OARD1: variants seen among roughly 807,000 people sequenced by gnomAD.
OARD1 encodes the protein ADP-ribose glycohydrolase OARD1.
A neutral mutation model predicts 19.7 loss-of-function variants in OARD1; 19 were observed. The observed-to-expected ratio is 0.96, with a 90% CI of 0.67 to 1.41. The LOEUF (loss-of-function observed/expected upper bound fraction) is 1.41. OARD1 is among the 40% of genes most tolerant of loss of function. OARD1 has a pLI of 0.00. For synonymous variants in OARD1, 70 were observed against 61.8 expected (o/e 1.13, Z -0.62); for missense variants, 190 against 183.8 (o/e 1.03, Z -0.20).
chr6:41,071,320 G>C, intron 2 of OARD1, 44 bp from the exon 3 acceptor site: 1 of 1,568,272 alleles, frequency 6.4e-7, no homozygotes, highest in Non-Finnish European at 8.8e-7. Context: ...ATTAGATACA[G>C]TAAAATACTA....
chr6:41,089,829 T>A, intron 1 of OARD1: 1 of 1,420,920 alleles, frequency 7.0e-7, no homozygotes, highest in East Asian at 2.4e-5. Context: ...CATAAAAAAA[T>A]ATATTTTTGG....
chr6:41,067,454 A>ATC lies in OARD1; in HGVS notation c.357-19_357-18dup. ...CATCCAATCCTGAAAAAGACAAAAT[A>ATC]TCTCCATTGATGGTAACGAAAGTAT... On this transcript the variant is annotated splice_polypyrimidine_tract_variant and intron_variant, in intron 5 of 5. Coordinates refer to ENST00000424266, the MANE Select transcript of OARD1 (RefSeq NM_001329686.2). The ATC allele has an allele frequency of 6.5e-7, 1 of 1,530,732 alleles. No homozygotes were observed. The highest frequency in any genetic ancestry group is 9.1e-7 in the Non-Finnish European group (1 of 1,104,772). 94.8% of individuals were successfully genotyped at this position (1,530,732 alleles called of 1,614,324 possible).
chr6:41,075,631 C>G (rs1763712588), upstream of OARD1: 1 of 151,970 alleles, frequency 6.6e-6, no homozygotes, highest in Admixed American at 6.6e-5. Flanking sequence ...TGTAGTACTT[C>G]ACCTTCCTCC....
At chr6:41,095,229 A>G (rs1160134639) in intron 1 of OARD1, among the ~76,000 whole-genome samples, 1 of 152,154 alleles carries the variant, frequency 6.6e-6, no homozygotes, top group African/African-American at 2.4e-5. Flanking sequence ...ATGCCCAGCA[A>G]AGCCTTACAT....
rs909526520 is a variant in OARD1, at chr6:41,064,837, T to C, written c.*2498A>G. On this transcript the variant is annotated 3_prime_UTR_variant, in exon 6 of 6. Coordinates refer to ENST00000424266, the MANE Select transcript of OARD1 (RefSeq NM_001329686.2). The stretch of plus-strand genomic sequence containing the variant: ...CGGGTGAAAAGTAGTAGTTTAATGT[T>C]CAGATATACAATCATTTAAAAGTAT... 6.6e-6 allele frequency: 1 copy of C among 152,144 alleles called. No individual in the cohort carries two copies. The highest frequency in any genetic ancestry group is 1.5e-5 in the Non-Finnish European group (1 of 68,032). The allele number at this position is 152,144 out of a possible 1,614,324, so 9.4% of individuals were successfully genotyped here.
intron 1 of OARD1, among the ~76,000 whole-genome samples, chr6:41,080,442 G>T (rs932544454): frequency 2.0e-5 from 3 of 152,142 alleles, no homozygotes; most frequent in African/African-American, 7.2e-5. Flanking sequence ...TAGTTTCAGG[G>T]CTATTAAAAC....
intron 1 of OARD1, chr6:41,079,029 G>A: frequency 6.1e-6 from 9 of 1,482,108 alleles, no homozygotes; most frequent in Non-Finnish European, 8.5e-6. Flanking sequence ...TTTCTAACAG[G>A]AGTGTACCTC....
intron 1 of OARD1, among the ~76,000 whole-genome samples, chr6:41,081,215 C>T (rs1031046159): frequency 6.6e-5 from 10 of 152,046 alleles, no homozygotes; most frequent in Non-Finnish European, 1.5e-4. Flanking sequence ...CTCGGCCGGG[C>T]GCGGTGGCTC....
chr6:41,088,654 G>A (rs1431370824), intron 1 of OARD1, among the ~76,000 whole-genome samples: 1 of 151,802 alleles, frequency 6.6e-6, no homozygotes, highest in Non-Finnish European at 1.5e-5. Context: ...TGCGGATCTT[G>A]GCTCACTGCA....
intron 1 of OARD1, among the ~76,000 whole-genome samples, chr6:41,077,739 G>C (rs1317930504): frequency 6.6e-6 from 1 of 152,084 alleles, no homozygotes; most frequent in Non-Finnish European, 1.5e-5. Flanking sequence ...TTTGCTCCCT[G>C]TTGGCCAATC....
chr6:41,069,658 T>C (rs1456861454), intron 4 of OARD1: 1 of 239,436 alleles, frequency 4.2e-6, no homozygotes, highest in African/African-American at 2.4e-5. Flanking sequence ...GCACTTATTA[T>C]TTTTTGTTTT....
rs183543788 is a variant in OARD1 at position 41,079,588 on chromosome 6, C to T, written c.-41-7913G>A. Among the ~76,000 whole-genome samples the T allele has an allele frequency of 1.6e-3, 246 of 152,210 alleles. 1 individual carries two copies. Among genetic ancestry groups the T allele is most frequent in the Admixed American group, 0.014 (209 of 15,292 alleles). Reference sequence around the variant, plus strand: ...GCCACATTTTTTATTCAGAAAAGCTCTGGTTTAACATTAGGATAATATTTA... The same window carrying T: ...GCCACATTTTTTATTCAGAAAAGCTTTGGTTTAACATTAGGATAATATTTA... On this transcript the variant is annotated intron_variant, in intron 1 of 4. Coordinates refer to the OARD1 transcript ENST00000480585.
At chr6:41,090,891 A>C (rs1764182139) in intron 1 of OARD1, among the ~76,000 whole-genome samples, 1 of 152,256 alleles carries the variant, frequency 6.6e-6, no homozygotes, top group Non-Finnish European at 1.5e-5. Context: ...CTGTTAGTCA[A>C]ATAGTTAAAT....
intron 1 of OARD1, 34 bp from the exon 2 acceptor site, chr6:41,071,709 G>T: frequency 8.1e-7 from 1 of 1,231,686 alleles, no homozygotes; most frequent in Non-Finnish European, 1.2e-6. Context: ...AAAATGCTTA[G>T]GCAGCCTTAG....
chr6:41,091,198 C>T (rs919777079), intron 1 of OARD1, among the ~76,000 whole-genome samples: 2 of 152,164 alleles, frequency 1.3e-5, no homozygotes, highest in Non-Finnish European at 2.9e-5. Context: ...AAGCAGATTG[C>T]TCATTATGTA....
chr6:41,087,084 G>C (rs915484646), intron 1 of OARD1, among the ~76,000 whole-genome samples: 1 of 151,988 alleles, frequency 6.6e-6, no homozygotes, highest in Admixed American at 6.6e-5. Flanking sequence ...TATAAATAAC[G>C]TTTATGTATT....
At position 41,071,245 on chromosome 6, in the gene OARD1, C is replaced by A. The variant is rs1763361168; in HGVS notation, c.71G>T (p.Cys24Phe). ...GTGGGCTAAAGAGTCTGTTTTCGGG[C>A]ATGCAAAAAGGTCTCCTTTCACATA... ...ITYVKGDLFA[C>F]PKTDSLAHCI... The change falls in exon 3 of 6, where the codon TGC (cysteine) becomes TTC (phenylalanine). Residue 24 changes from cysteine to phenylalanine, a missense_variant. By Grantham distance (205) the Cys-to-Phe change is radical. Transcript: ENST00000424266. 2 of 1,613,666 alleles carry A rather than the reference C, an allele frequency of 1.2e-6. No homozygotes were observed. The highest frequency in any genetic ancestry group is 1.7e-6 in the Non-Finnish European group (2 of 1,179,838).
chr6:41,089,398 C>T (rs146846084), intron 1 of OARD1, among the ~76,000 whole-genome samples: 511 of 152,312 alleles, frequency 3.4e-3, no homozygotes, highest in Admixed American at 7.6e-3. Context: ...TGTCGAAATT[C>T]CCTATTTGTT....
chr6:41,070,170 G>A (rs748308635), intron 3 of OARD1, 36 bp from the exon 4 acceptor site: 5 of 1,152,484 alleles, frequency 4.3e-6, no homozygotes, highest in Non-Finnish European at 6.5e-6. Flanking sequence ...AAATGAAAAA[G>A]AAAACCAAAC....
Sources: allele counts gnomAD v4.1 joint callset (sites outside exome capture counted in the v4.1 genomes callset), GRCh38; gene constraint gnomAD v4.1.1; transcripts MANE v1.5; gene names NCBI Gene and HGNC (gene_info 2026-07-23, HGNC 2026-07-21).